LRRC20: variants seen among roughly 807,000 people sequenced by gnomAD.
LRRC20 encodes leucine-rich repeat-containing protein 20.
LRRC20 carries 11 observed loss-of-function variants against 14.4 expected under a neutral mutation model. The observed-to-expected ratio is 0.77, with a 90% CI of 0.48 to 1.27. The LOEUF (loss-of-function observed/expected upper bound fraction) is 1.27, where lower values mean the gene tolerates loss of function less well. LRRC20 is among the 50% of genes most tolerant of loss of function. The pLI, the probability that LRRC20 is intolerant of heterozygous loss-of-function variation, is 0.00. For synonymous variants in LRRC20, 121 were observed against 107.3 expected (o/e 1.13, Z -0.79); for missense variants, 219 against 251.2 (o/e 0.87, Z 0.87).
rs181478670 is a variant in LRRC20 at position 70,378,836 on chromosome 10, C to T, written c.-63-2240G>A. Among the ~76,000 whole-genome samples the T allele has an allele frequency of 7.9e-5, 12 of 151,218 alleles. No individual in the cohort carries two copies. The East Asian group carries it at 2.3e-3, about 29-fold the overall frequency. On this transcript the variant is annotated intron_variant, in intron 1 of 4. Transcript: ENST00000446961. The stretch of plus-strand genomic sequence containing the variant: ...TCGCACATGCCTGTAATCCCAGCTA[C>T]TCAGGAGGCTGAGGCAGGAGAATCG...
chr10:70,346,605 GT>G (rs1310989619), intron 2 of LRRC20, among the ~76,000 whole-genome samples: 1 of 151,942 alleles, frequency 6.6e-6, no homozygotes, highest in Non-Finnish European at 1.5e-5. Flanking sequence ...AGAGCGTAGG[GT>G]TTTTTTCTGA....
intron 2 of LRRC20, among the ~76,000 whole-genome samples, chr10:70,355,193 G>C (rs993798591): frequency 6.6e-5 from 10 of 152,188 alleles, no homozygotes; most frequent in African/African-American, 2.4e-4. Flanking sequence ...ATCGTGCCGT[G>C]CATCACTGGG....
chr10:70,304,470 T>TTATATAGATAGATATATATATA (rs1554835659), intron 4 of LRRC20, among the ~76,000 whole-genome samples: 1 of 113,826 alleles, frequency 8.8e-6, no homozygotes, highest in African/African-American at 3.0e-5. Context: ...GGCCACTTCT[T>TTATATAGATAGATATATATATA]TATATATATA....
rs114707342 is a variant in LRRC20, at chr10:70,307,928, C to T, written c.401-6420G>A. On this transcript the variant is annotated intron_variant, in intron 4 of 4. Coordinates refer to ENST00000446961, the MANE Select transcript of LRRC20 (RefSeq NM_001278212.2). Reference sequence around the variant, plus strand: ...CCAGCTAGTGCAGGTTCCCTGCTCCCTGTCACTGGTCTGGGGCCTGCATCC... The same window carrying T: ...CCAGCTAGTGCAGGTTCCCTGCTCCTTGTCACTGGTCTGGGGCCTGCATCC... 1.8e-3 allele frequency among the ~76,000 whole-genome samples: 276 copies of T among 152,372 alleles called. 1 individual carries two copies. The highest frequency in any genetic ancestry group is 6.2e-3 in the African/African-American group (259 of 41,590).
Position 70,347,468 on chromosome 10 carries a change from G to A in LRRC20, c.83-6766C>T, listed in dbSNP as rs533541430. Among the ~76,000 whole-genome samples the A allele has an allele frequency of 2.9e-5, 4 of 140,212 alleles. No individual in the cohort carries two copies. In the East Asian group the frequency reaches 6.6e-4, roughly 23 times the overall value. 92.0% of individuals were successfully genotyped at this position (140,212 alleles called of 152,430 possible). A position where few individuals can be genotyped will look rare whatever the true frequency, so the allele number is the denominator to read the frequency against. On this transcript the variant is annotated intron_variant, in intron 2 of 4. Transcript: ENST00000446961. ...CCCACAGTCCCATTCCGACCACCTG[G>A]GCCATCTACACACCATCCCAACCTC... is the stretch of plus-strand genomic sequence containing the variant.
chr10:70,313,708 C>T (rs538056062), intron 4 of LRRC20, among the ~76,000 whole-genome samples: 1 of 152,254 alleles, frequency 6.6e-6, no homozygotes, highest in Non-Finnish European at 1.5e-5. Context: ...AACAAGTTAG[C>T]CACAAGGTTA....
chr10:70,362,093 G>A (rs1013989791), intron 2 of LRRC20, among the ~76,000 whole-genome samples: 4 of 152,206 alleles, frequency 2.6e-5, no homozygotes, highest in African/African-American at 7.2e-5. Flanking sequence ...ACTGAAGCAC[G>A]AGAATCACTT....
chr10:70,314,673 T>C (rs1841791784), intron 4 of LRRC20, among the ~76,000 whole-genome samples: 1 of 151,966 alleles, frequency 6.6e-6, no homozygotes, highest in Admixed American at 6.6e-5. Context: ...GCACAGATAG[T>C]TTGAGCATCG....
At chr10:70,309,095 C>T (rs1035774789) in intron 4 of LRRC20, among the ~76,000 whole-genome samples, 4 of 152,204 alleles carry the variant, frequency 2.6e-5, no homozygotes, top group Admixed American at 6.5e-5. Context: ...CATTCCCCAG[C>T]GGCACAGCCA....
rs374935776 is a variant in LRRC20, at chr10:70,363,952, GC to G, written c.82+12499del. ...ACAGACCCTGCAGTGGGGACCTCCA[GC>G]CCCCTCTCCTCCCTGGTAAACTCCC... is the stretch of plus-strand genomic sequence containing the variant. On this transcript the variant is annotated intron_variant, in intron 2 of 4. Coordinates refer to ENST00000446961, the MANE Select transcript of LRRC20 (RefSeq NM_001278212.2). 7.2e-3 allele frequency among the ~76,000 whole-genome samples: 1,102 copies of G among 152,306 alleles called. 13 individuals carry two copies. The highest frequency in any genetic ancestry group is 0.056 in the South Asian group (269 of 4,830).
intron 4 of LRRC20, among the ~76,000 whole-genome samples, chr10:70,322,155 C>T (rs1842108683): frequency 1.3e-5 from 2 of 152,146 alleles, no homozygotes; most frequent in African/African-American, 4.8e-5. Flanking sequence ...TCTTGAACCA[C>T]CTTCTGGGGG....
At chr10:70,318,291 G>A (rs1841943247) in intron 4 of LRRC20, among the ~76,000 whole-genome samples, 1 of 152,208 alleles carries the variant, frequency 6.6e-6, no homozygotes, top group African/African-American at 2.4e-5. Flanking sequence ...TCTAGGGCAA[G>A]GCCAGGGAAT....
At chr10:70,364,533 C>A (rs1843892563) in intron 2 of LRRC20, among the ~76,000 whole-genome samples, 2 of 152,238 alleles carry the variant, frequency 1.3e-5, no homozygotes, top group African/African-American at 2.4e-5. Context: ...GGGGTTGCAA[C>A]ATCAGGTCCC....
intron 1 of LRRC20, 155 bp downstream of exon 1, chr10:70,382,394 C>G (rs568470289): frequency 6.6e-6 from 1 of 152,478 alleles, no homozygotes; most frequent in East Asian, 1.9e-4. Flanking sequence ...TCTTTTCCAC[C>G]GGGTGACCTG....
rs762917881 is a variant in LRRC20, at chr10:70,340,692, C to G, written c.93G>C (p.Glu31Asp). 6.2e-7 allele frequency: 1 copy of G among 1,614,104 alleles called. No individual in the cohort carries two copies. Among genetic ancestry groups the G allele is most frequent in the African/African-American group, 1.3e-5 (1 of 74,938 alleles). The change falls in exon 3 of 5, where the codon GAG (glutamate) becomes GAC (aspartate). Residue 31 changes from glutamate (E) to aspartate (D), a missense_variant. Coordinates refer to ENST00000446961, the MANE Select transcript of LRRC20 (RefSeq NM_001278212.2). ...ESGSDTLDLA[E>D]CKLVSFPIGI... ...CAATGGGAAAGGAGACCAGCTTGCA[C>G]TCGGCCAGGTCTGCAGCCAAAGAAC...
chr10:70,368,241 T>C (rs1183104888), intron 2 of LRRC20, among the ~76,000 whole-genome samples: 2 of 143,480 alleles, frequency 1.4e-5, no homozygotes, highest in African/African-American at 2.6e-5. Context: ...TACTGCAAGA[T>C]GCGCCTCCCG....
At chr10:70,327,010 G>A (rs1842353941) in intron 3 of LRRC20, among the ~76,000 whole-genome samples, 1 of 152,172 alleles carries the variant, frequency 6.6e-6, no homozygotes, top group Admixed American at 6.5e-5. Flanking sequence ...ACTCAGGCAT[G>A]AGTCTAATTG....
intron 3 of LRRC20, among the ~76,000 whole-genome samples, chr10:70,325,918 T>G (rs190371457): frequency 6.6e-6 from 1 of 151,974 alleles, no homozygotes; most frequent in African/African-American, 2.4e-5. Flanking sequence ...ATTCTACACA[T>G]GATTTTAATG....
intron 4 of LRRC20, among the ~76,000 whole-genome samples, chr10:70,318,027 T>C (rs139886799): frequency 1.3e-5 from 2 of 152,378 alleles, no homozygotes; most frequent in East Asian, 3.9e-4. Context: ...GAGGACTTAT[T>C]ATACAAACAA....
Sources: gnomAD v4.1 joint callset for allele counts (sites outside exome capture counted in the v4.1 genomes callset) on GRCh38, gnomAD v4.1.1 for gene constraint, MANE v1.5 for transcripts, NCBI Gene and HGNC (gene_info 2026-07-23, HGNC 2026-07-21) for gene names.